Variants in TET3 observed in about 807,000 individuals in gnomAD.
TET3 encodes tet methylcytosine dioxygenase 3, also known as methylcytosine dioxygenase TET3.
A neutral mutation model predicts 141.4 loss-of-function variants in TET3; 19 were observed. The observed-to-expected ratio is 0.13, with a 90% CI of 0.09 to 0.20. TET3 has a LOEUF of 0.20. Among genes scored for constraint, TET3 ranks in the 10% least tolerant of loss-of-function variants. The pLI, the probability that TET3 is intolerant of heterozygous loss-of-function variation, is 1.00. For synonymous variants in TET3, 1,043 were observed against 980.9 expected (o/e 1.06, Z -1.18); for missense variants, 1,874 against 2,356.9 (o/e 0.80, Z 4.24).
Position 74,046,190 on chromosome 2 carries a change from T to G in TET3, c.361-88T>G. ...ATTTGCAAGAAAAGTTGGGGTCAGA[T>G]GTGCACCTGAGTGGTATGAAGCAGG... On this transcript the variant is annotated intron_variant, in intron 3 of 11. Coordinates refer to ENST00000409262, the MANE Select transcript of TET3 (RefSeq NM_001287491.2). The surrounding 1 kb of genome is among the most constrained non-coding windows in gnomAD (Gnocchi z 4.3). 3 of 1,245,876 alleles carry G rather than the reference T, an allele frequency of 2.4e-6. No individual in the cohort carries two copies. The highest frequency in any genetic ancestry group is 3.2e-6 in the Non-Finnish European group (3 of 945,342). The allele number at this position is 1,245,876 out of a possible 1,614,324, so 77.2% of individuals were successfully genotyped here.
chr2:74,088,104 C>A, intron 7 of TET3, 66 bp downstream of exon 7: 1 of 1,482,818 alleles, frequency 6.7e-7, no homozygotes, highest in Non-Finnish European at 9.1e-7. Context: ...ATACAGGAGA[C>A]TGCAGGCAAC....
chr2:74,075,703 A>G (rs1455560254), intron 5 of TET3, among the ~76,000 whole-genome samples: 1 of 152,200 alleles, frequency 6.6e-6, no homozygotes, highest in African/African-American at 2.4e-5. Flanking sequence ...TTCTCTGAAT[A>G]AATAAAAGGT....
chr2:74,122,511 A>ATATATTT, the TET3 span: 3 of 47,556 alleles, frequency 6.3e-5, no homozygotes, highest in East Asian at 9.1e-4. Context: ...ATATATATAT[A>ATATATTT]TTTTTTTTTT....
At chr2:73,999,488 C>A (rs963988517) in intron 2 of TET3, among the ~76,000 whole-genome samples, 1 of 152,104 alleles carries the variant, frequency 6.6e-6, no homozygotes, top group Non-Finnish European at 1.5e-5. Context: ...GTCTGTGTTC[C>A]TTCGTCTTTG....
At chr2:74,113,910 A>G in the TET3 span, among the ~76,000 whole-genome samples, 3 of 152,164 alleles carry the variant, frequency 2.0e-5, no homozygotes, top group African/African-American at 2.4e-5. Flanking sequence ...TGCAATCCCT[A>G]TCAAAATACC....
chr2:74,021,527 G>T (rs1686043016), intron 3 of TET3, among the ~76,000 whole-genome samples: 1 of 152,222 alleles, frequency 6.6e-6, no homozygotes, highest in Non-Finnish European at 1.5e-5. Flanking sequence ...TGGTCAGCCT[G>T]TAAGAACCTC....
At chr2:74,042,016 C>T (rs1218765510) in intron 3 of TET3, among the ~76,000 whole-genome samples, 4 of 152,222 alleles carry the variant, frequency 2.6e-5, no homozygotes, top group African/African-American at 9.7e-5. Flanking sequence ...AGTGAGCCTT[C>T]TCTATCATTA....
At chr2:74,064,211 C>T (rs532891764) in intron 4 of TET3, among the ~76,000 whole-genome samples, 99 of 151,860 alleles carry the variant, frequency 6.5e-4, no homozygotes, top group Non-Finnish European at 9.4e-4. Context: ...GCCATTATGG[C>T]ACCCGTATAC....
rs1340344210 is a variant in TET3 at position 74,093,725 on chromosome 2, G to A, written c.3267+59G>A. 1.2e-5 allele frequency: 17 copies of A among 1,475,088 alleles called. No homozygotes were observed. Among genetic ancestry groups the A allele is most frequent in the Admixed American group, 1.0e-4 (5 of 48,074 alleles). The allele number at this position is 1,475,088 out of a possible 1,614,324, so 91.4% of individuals were successfully genotyped here. A position where few individuals can be genotyped will look rare whatever the true frequency, so the allele number is the denominator to read the frequency against. ...GGGCAACTGTGGGAGGGAGTCCACC[G>A]TGGTCTTTTCAGAAAGGCAGGCTGA... is the stretch of plus-strand genomic sequence containing the variant. On this transcript the variant is annotated intron_variant, in intron 10 of 11. Coordinates refer to ENST00000409262, the MANE Select transcript of TET3 (RefSeq NM_001287491.2). This position sits in a 1 kb window ranked among gnomAD's most constrained non-coding sequence, Gnocchi z 4.2.
At chr2:74,038,121 G>A (rs550650602) in intron 3 of TET3, among the ~76,000 whole-genome samples, 1 of 152,306 alleles carries the variant, frequency 6.6e-6, no homozygotes, top group East Asian at 1.9e-4. Flanking sequence ...AGGAGGCAGG[G>A]GACCTTGTGA....
In TET3 at chr2:74,087,592, C is replaced by T. The variant is rs577387404; in HGVS notation, c.2680-238C>T. On this transcript the variant is annotated intron_variant, in intron 6 of 11. Transcript: ENST00000409262. This position sits in a 1 kb window ranked among gnomAD's most constrained non-coding sequence, Gnocchi z 4.3. ...TGTGGTAATTATTTTTTATTTCACTCTCAAAATAACTTTTATGTTTTTGTT... is the reference window on the plus strand; with the variant it reads ...TGTGGTAATTATTTTTTATTTCACTTTCAAAATAACTTTTATGTTTTTGTT... 6.6e-6 allele frequency among the ~76,000 whole-genome samples: 1 copy of T among 152,308 alleles called. No individual in the cohort carries two copies. The highest frequency in any genetic ancestry group is 2.1e-4 in the South Asian group (1 of 4,828).
chr2:74,061,742 G>GAT (rs1688595756), intron 4 of TET3, among the ~76,000 whole-genome samples: 1 of 146,994 alleles, frequency 6.8e-6, no homozygotes, highest in African/African-American at 2.6e-5. Context: ...CTTCTCAGAC[G>GAT]GGGCGGCCGG....
chr2:74,038,950 C>T (rs1289715490), intron 3 of TET3, among the ~76,000 whole-genome samples: 1 of 152,188 alleles, frequency 6.6e-6, no homozygotes, highest in Non-Finnish European at 1.5e-5. Context: ...AATCACTTAA[C>T]CTCCATAACC....
chr2:74,081,955 A>C lies in TET3; in HGVS notation c.2679+1364A>C, dbSNP rs537091610. Among the ~76,000 whole-genome samples, 10 of 152,324 alleles carry C rather than the reference A, an allele frequency of 6.6e-5. No homozygotes were observed. The East Asian group carries it at 1.9e-3, about 29-fold the overall frequency. On this transcript the variant is annotated intron_variant, in intron 6 of 11. Coordinates refer to ENST00000409262, the MANE Select transcript of TET3 (RefSeq NM_001287491.2). ...CACCCTCTTGAGAGGTGGTCATTGCAGTGAGAAGTCTGATGTGGCTTATCA... is the reference window on the plus strand; with the variant it reads ...CACCCTCTTGAGAGGTGGTCATTGCCGTGAGAAGTCTGATGTGGCTTATCA...
chr2:74,108,408 C>T (rs1691622022), downstream of TET3, among the ~76,000 whole-genome samples: 1 of 152,222 alleles, frequency 6.6e-6, no homozygotes, highest in Non-Finnish European at 1.5e-5. Context: ...TGGCCTTTTT[C>T]TCATCTATGT....
chr2:74,112,944 T>C (rs1416362158), downstream of TET3, among the ~76,000 whole-genome samples: 2 of 139,576 alleles, frequency 1.4e-5, no homozygotes, highest in African/African-American at 2.7e-5. Flanking sequence ...GAGGCAGAAG[T>C]TGCAGTGAGT....
chr2:74,059,240 TTTTA>T (rs975691315), intron 4 of TET3, among the ~76,000 whole-genome samples: 4 of 152,218 alleles, frequency 2.6e-5, no homozygotes, highest in African/African-American at 9.6e-5. Context: ...TGTGTTTTTA[TTTTA>T]TTTATTTAAT....
At chr2:74,126,500 A>ATTTTTTTT in the TET3 span, among the ~76,000 whole-genome samples, 6 of 120,964 alleles carry the variant, frequency 5.0e-5, no homozygotes, top group Admixed American at 1.8e-4. Context: ...TATTTGCTGG[A>ATTTTTTTT]TTTTTTTTTT....
At chr2:74,065,617 TCCG>T (rs1688844442) in intron 4 of TET3, among the ~76,000 whole-genome samples, 5 of 140,272 alleles carry the variant, frequency 3.6e-5, no homozygotes, top group African/African-American at 1.1e-4. Flanking sequence ...CGTCCGTCCG[TCCG>T]TCCTTCCTTC....
Sources: allele counts gnomAD v4.1 joint callset (sites outside exome capture counted in the v4.1 genomes callset), GRCh38; gene constraint gnomAD v4.1.1; non-coding constraint Gnocchi (gnomAD v3.1); transcripts MANE v1.5; gene names NCBI Gene and HGNC (gene_info 2026-07-23, HGNC 2026-07-21).